GBF1: variants seen among roughly 807,000 people sequenced by gnomAD.
GBF1 encodes the protein Golgi-specific brefeldin A-resistance guanine nucleotide exchange factor 1.
Under a neutral mutation model 210.5 loss-of-function variants are expected in GBF1, and 114 were observed. That is an observed-to-expected ratio of 0.54 (90% CI 0.47 to 0.63). GBF1 has a LOEUF of 0.63. Among genes scored for constraint, GBF1 ranks in the 30% least tolerant of loss-of-function variants. The probability of loss-of-function intolerance (pLI) is 0.00; values close to 1 mark genes in which losing one functional copy is unlikely to be tolerated. For missense variants in GBF1, 1,851 were observed against 2,357.7 expected (o/e 0.79, Z 4.45); for synonymous variants, 850 against 889.2 (o/e 0.96, Z 0.78).
chr10:102,345,700 G>T (rs2058515036), intron 4 of GBF1, among the ~76,000 whole-genome samples: 1 of 142,146 alleles, frequency 7.0e-6, no homozygotes, highest in Non-Finnish European at 1.5e-5. Context: ...AAATGTACAT[G>T]ATATAACTAT....
rs1279966913 is a variant in GBF1 at position 102,313,479 on chromosome 10, G to A, written c.164-30572G>A. 2.0e-5 allele frequency among the ~76,000 whole-genome samples: 3 copies of A among 152,158 alleles called. No individual in the cohort carries two copies. In the East Asian group the frequency reaches 5.8e-4, roughly 29 times the overall value. Reference sequence around the variant, plus strand: ...TGGGGCTCAGCTGCCCCAAATACTTGTGATATTGCAGGTTATTTATGAGCT... The same window carrying A: ...TGGGGCTCAGCTGCCCCAAATACTTATGATATTGCAGGTTATTTATGAGCT... On this transcript the variant is annotated intron_variant, in intron 3 of 39. Coordinates refer to ENST00000369983, the MANE Select transcript of GBF1 (RefSeq NM_001377137.1).
intron 3 of GBF1, among the ~76,000 whole-genome samples, chr10:102,287,890 C>T (rs2076094807): frequency 1.3e-5 from 2 of 152,128 alleles, no homozygotes; most frequent in African/African-American, 4.8e-5. Flanking sequence ...GCTGGCCTTG[C>T]AGGAAGTTAA....
At chr10:102,328,372 C>T (rs952726278) in intron 3 of GBF1, among the ~76,000 whole-genome samples, 13 of 152,040 alleles carry the variant, frequency 8.6e-5, no homozygotes, top group South Asian at 2.1e-4. Context: ...TGGTGGCACA[C>T]GCTTTAGTCC....
In GBF1 at chr10:102,366,993, T is replaced by C. The variant is rs774875520; in HGVS notation, c.2434-92T>C. ...CTGGCCACTTTCTGGATGGTACCTC[T>C]CCTCTGTACTAGCACTGACCAGTGG... On this transcript the variant is annotated intron_variant, in intron 19 of 39. Coordinates refer to ENST00000369983, the MANE Select transcript of GBF1 (RefSeq NM_001377137.1). The surrounding 1 kb of genome is among the most constrained non-coding windows in gnomAD (Gnocchi z 4.0). 1.8e-4 allele frequency: 246 copies of C among 1,383,760 alleles called. 1 individual carries two copies. The highest frequency in any genetic ancestry group is 2.4e-4 in the Non-Finnish European group (238 of 995,684). 85.7% of individuals were successfully genotyped at this position (1,383,760 alleles called of 1,614,324 possible).
chr10:102,366,881 C>A lies in GBF1; in HGVS notation c.2434-204C>A, dbSNP rs375828691. On this transcript the variant is annotated intron_variant, in intron 19 of 39. Transcript: ENST00000369983. The surrounding 1 kb of genome is among the most constrained non-coding windows in gnomAD (Gnocchi z 4.0). ...GATTACAAGCGTGAACCACCGCACC[C>A]AGCCTGCTGTCTCTTAAAAAGTCAG... Among the ~76,000 whole-genome samples, 26 of 152,176 alleles carry A rather than the reference C, an allele frequency of 1.7e-4. No individual in the cohort carries two copies. The highest frequency in any genetic ancestry group is 5.8e-4 in the African/African-American group (24 of 41,560).
intron 3 of GBF1, among the ~76,000 whole-genome samples, chr10:102,275,062 A>C (rs550518928): frequency 5.5e-5 from 8 of 145,532 alleles, no homozygotes; most frequent in Non-Finnish European, 1.0e-4. Context: ...CCCAGGCTGG[A>C]GTGCAGTGGT....
chr10:102,365,772 A>G (rs1030227589), intron 18 of GBF1, among the ~76,000 whole-genome samples, 173 bp downstream of exon 18: 1 of 152,160 alleles, frequency 6.6e-6, no homozygotes, highest in African/African-American at 2.4e-5. Flanking sequence ...TTAGCTGGGC[A>G]TGGTGGCATG....
At chr10:102,325,483 G>A (rs1290788442) in intron 3 of GBF1, among the ~76,000 whole-genome samples, 1 of 149,272 alleles carries the variant, frequency 6.7e-6, no homozygotes, top group Non-Finnish European at 1.5e-5. Context: ...TCAGGAGACG[G>A]AGGTTGCAGT....
At chr10:102,329,664 C>T (rs10128114) in intron 3 of GBF1, among the ~76,000 whole-genome samples, 45,393 of 150,974 alleles carry the variant, frequency 0.3, 7,575 homozygotes, top group African/African-American at 0.46. Flanking sequence ...AGGGTTTCAC[C>T]GTGTTAACCA....
At chr10:102,242,846 G>A (rs867691180), upstream of GBF1, among the ~76,000 whole-genome samples, 13 of 151,038 alleles carry the variant, frequency 8.6e-5, no homozygotes, top group East Asian at 2.0e-4. Flanking sequence ...GAAGAATGGC[G>A]TGAACCCAGG....
At chr10:102,320,011 C>A (rs1320760693) in intron 3 of GBF1, among the ~76,000 whole-genome samples, 2 of 152,128 alleles carry the variant, frequency 1.3e-5, no homozygotes, top group African/African-American at 4.8e-5. Context: ...AGGCGTGAAC[C>A]ACTGCACCTG....
intron 3 of GBF1, among the ~76,000 whole-genome samples, chr10:102,340,266 C>CT (rs1565129960): frequency 4.4e-4 from 55 of 123,708 alleles, no homozygotes; most frequent in Non-Finnish European, 8.0e-4. Context: ...CTGGTCCATG[C>CT]CTTTTTTTTT....
chr10:102,354,794 C>A (rs946375533), intron 8 of GBF1, among the ~76,000 whole-genome samples: 2 of 152,138 alleles, frequency 1.3e-5, no homozygotes, highest in Non-Finnish European at 2.9e-5. Flanking sequence ...CAAGACCCTT[C>A]CCCCTTCTAC....
chr10:102,376,170 G>A (rs2060483437), intron 30 of GBF1, 102 bp from the exon 31 acceptor site: 1 of 822,586 alleles, frequency 1.2e-6, no homozygotes, highest in Non-Finnish European at 2.0e-6. Flanking sequence ...CCAGAGAGAG[G>A]GGAGGCCAGG....
At chr10:102,306,960 A>G (rs1361070830) in intron 3 of GBF1, among the ~76,000 whole-genome samples, 1 of 152,230 alleles carries the variant, frequency 6.6e-6, no homozygotes, top group East Asian at 1.9e-4. Context: ...GATCTATGAG[A>G]AGGTCTGTAA....
At chr10:102,259,900 A>G (rs1165589002) in intron 2 of GBF1, 150 bp from the exon 3 acceptor site, 3 of 572,048 alleles carry the variant, frequency 5.2e-6, no homozygotes, top group Non-Finnish European at 9.4e-6. Context: ...GTACAGAAAA[A>G]TATGAACTAT....
chr10:102,231,893 C>A, the GBF1 span: 244 of 1,561,116 alleles, frequency 1.6e-4, no homozygotes, highest in Non-Finnish European at 2.1e-4. Context: ...CGGGGCTGCC[C>A]AGCCGGGGTC....
chr10:102,231,251 G>A, the GBF1 span: 1 of 818,836 alleles, frequency 1.2e-6, no homozygotes, highest in Non-Finnish European at 1.8e-6. Flanking sequence ...AGGAGCGCAC[G>A]GAGTCCGGGG....
chr10:102,287,339 A>ATTTTATTTTT (rs1565062394), intron 3 of GBF1, among the ~76,000 whole-genome samples: 5 of 65,206 alleles, frequency 7.7e-5, no homozygotes, highest in Non-Finnish European at 1.2e-4. Context: ...CTTTTATTTT[A>ATTTTATTTTT]TTTTCTTTTT....
Sources: allele counts gnomAD v4.1 joint callset (sites outside exome capture counted in the v4.1 genomes callset), GRCh38; gene constraint gnomAD v4.1.1; non-coding constraint Gnocchi (gnomAD v3.1); transcripts MANE v1.5; gene names NCBI Gene and HGNC (gene_info 2026-07-23, HGNC 2026-07-21).